Variants in UXS1 observed in about 807,000 individuals in gnomAD.
UXS1 encodes UDP-glucuronic acid decarboxylase 1.
A neutral mutation model predicts 62.6 loss-of-function variants in UXS1; 33 were observed. The observed-to-expected ratio is 0.53, with a 90% confidence interval of 0.40 to 0.70. The LOEUF (loss-of-function observed/expected upper bound fraction) is 0.70, where lower values mean the gene tolerates loss of function less well. UXS1 is among the 30% of genes least tolerant of loss of function. UXS1 has a pLI of 0.00. For missense variants in UXS1, 434 were observed against 556.3 expected, an observed-to-expected ratio of 0.78 and a Z score of 2.21; for synonymous variants, 213 against 206.8, an observed-to-expected ratio of 1.03 and a Z score of -0.26.
chr2:106,143,173 T>C lies in UXS1; in HGVS notation c.472+2017A>G, dbSNP rs569153911. ...ATTAATAGGTATCATTTGGGGGAGG[T>C]CAAGGTGGGCGGATCATGAGGGCAG... On this transcript the variant is annotated intron_variant, in intron 6 of 14. Transcript: ENST00000283148. Among the ~76,000 whole-genome samples, 113 of 150,198 alleles carry C rather than the reference T, an allele frequency of 7.5e-4. 1 individual carries two copies. The highest frequency in any genetic ancestry group is 3.4e-3 in the Middle Eastern group (1 of 290).
intron 10 of UXS1, among the ~76,000 whole-genome samples, chr2:106,110,465 C>T (rs1210436521): frequency 6.6e-6 from 1 of 152,190 alleles, no homozygotes; most frequent in Non-Finnish European, 1.5e-5. Flanking sequence ...TCTCATCTCA[C>T]AGCATGAAGG....
At chr2:106,136,257 A>C (rs1680629541) in intron 6 of UXS1, among the ~76,000 whole-genome samples, 2 of 93,824 alleles carry the variant, frequency 2.1e-5, no homozygotes, top group African/African-American at 8.4e-5. Flanking sequence ...AAAAGTCAGG[A>C]AACAACAGGT....
intron 8 of UXS1, among the ~76,000 whole-genome samples, chr2:106,124,060 T>C (rs1165296094): frequency 1.3e-5 from 2 of 152,228 alleles, no homozygotes; most frequent in South Asian, 4.1e-4. Context: ...GAAAGGTCTA[T>C]GTATCTGCTG....
chr2:106,175,094 G>T (rs932199259), intron 1 of UXS1, among the ~76,000 whole-genome samples: 3 of 152,228 alleles, frequency 2.0e-5, no homozygotes, highest in Non-Finnish European at 2.9e-5. Context: ...CCTGGAATGT[G>T]AAAGATGCCC....
rs180724857 is a variant in UXS1 at position 106,160,830 on chromosome 2, C to T, written c.231-2712G>A. ...GTGCTGAAACCTTTAATTTAAAAAACGAAAAATAGGTTGAGTTTCTTGCTT... is the reference window on the plus strand; with the variant it reads ...GTGCTGAAACCTTTAATTTAAAAAATGAAAAATAGGTTGAGTTTCTTGCTT... On this transcript the variant is annotated intron_variant, in intron 4 of 14. Coordinates refer to ENST00000283148, the MANE Select transcript of UXS1 (RefSeq NM_001253875.2). Among the ~76,000 whole-genome samples, 58 of 152,246 alleles carry T rather than the reference C, an allele frequency of 3.8e-4. No individual in the cohort carries two copies. In the East Asian group the frequency reaches 5.6e-3, roughly 15 times the overall value.
intron 1 of UXS1, among the ~76,000 whole-genome samples, chr2:106,193,177 A>G (rs563818391): frequency 6.6e-6 from 1 of 152,198 alleles, no homozygotes; most frequent in East Asian, 1.9e-4. Flanking sequence ...GTCACTTCAG[A>G]CAAGTGAAGT....
At chr2:106,171,543 A>T (rs2105078309) in intron 1 of UXS1, among the ~76,000 whole-genome samples, 1 of 152,328 alleles carries the variant, frequency 6.6e-6, no homozygotes, top group Non-Finnish European at 1.5e-5. Flanking sequence ...TTCAGAATCC[A>T]TAAAAGCCCG....
chr2:106,148,837 A>G (rs1395293536), intron 5 of UXS1, among the ~76,000 whole-genome samples: 3 of 152,208 alleles, frequency 2.0e-5, no homozygotes, highest in Admixed American at 2.0e-4. Flanking sequence ...TACCCAAAAG[A>G]GAACAGGAGA....
intron 1 of UXS1, 116 bp from the exon 2 acceptor site, chr2:106,166,199 A>C: frequency 1.0e-6 from 1 of 993,602 alleles, no homozygotes; most frequent in South Asian, 1.6e-5. Context: ...AAATTAACTT[A>C]CGAAGACAAC....
intron 14 of UXS1, among the ~76,000 whole-genome samples, chr2:106,096,098 G>A (rs1558667482): frequency 1.3e-5 from 2 of 152,304 alleles, no homozygotes; most frequent in African/African-American, 2.4e-5. Flanking sequence ...ACCTGGCCCC[G>A]CACACTCAAT....
At chr2:106,130,825 A>T (rs1680383930) in intron 6 of UXS1, among the ~76,000 whole-genome samples, 1 of 152,206 alleles carries the variant, frequency 6.6e-6, no homozygotes, top group Non-Finnish European at 1.5e-5. Flanking sequence ...ACCCTGAAGC[A>T]GGCTGGGAGA....
At chr2:106,164,396 T>C (rs1167433148) in intron 3 of UXS1, among the ~76,000 whole-genome samples, 1 of 54,012 alleles carries the variant, frequency 1.9e-5, no homozygotes, top group Admixed American at 1.9e-4. Context: ...TTGGTGGCCA[T>C]TGTTCTTTTC....
chr2:106,109,110 C>T (rs1192147370), intron 10 of UXS1, among the ~76,000 whole-genome samples: 1 of 151,972 alleles, frequency 6.6e-6, no homozygotes, highest in East Asian at 1.9e-4. Context: ...ATCCACTCAC[C>T]TCCTCCCTGC....
chr2:106,185,156 T>C (rs6744825), intron 1 of UXS1, among the ~76,000 whole-genome samples: 149,112 of 152,238 alleles, frequency 0.98, 73,086 homozygotes, highest in South Asian at 1. Context: ...TCAACTCCAC[T>C]GCCCAAATTG....
chr2:106,129,592 G>A (rs1215447304), intron 7 of UXS1, 82 bp downstream of exon 7: 1 of 1,175,660 alleles, frequency 8.5e-7, no homozygotes. Context: ...TCAAACTCTA[G>A]TAGAAGATTC....
At chr2:106,125,544 ACTG>A in intron 8 of UXS1, 73 bp downstream of exon 8, 1 of 1,388,082 alleles carries the variant, frequency 7.2e-7, no homozygotes, top group Non-Finnish European at 9.6e-7. Flanking sequence ...AGAAAAGAAC[ACTG>A]GACTCTTCTG....
intron 5 of UXS1, among the ~76,000 whole-genome samples, chr2:106,153,893 T>C (rs1033869670): frequency 2.0e-5 from 3 of 152,112 alleles, no homozygotes; most frequent in Non-Finnish European, 4.4e-5. Flanking sequence ...GATTACAAAA[T>C]AGAAACAAAT....
intron 7 of UXS1, among the ~76,000 whole-genome samples, chr2:106,127,735 T>C (rs910874533): frequency 1.3e-5 from 2 of 152,218 alleles, no homozygotes; most frequent in Non-Finnish European, 2.9e-5. Context: ...CGGTTCAGAA[T>C]ACAAAGTCCA....
intron 1 of UXS1, 26 bp downstream of exon 1, chr2:106,194,122 C>G: frequency 1.4e-6 from 2 of 1,459,426 alleles, no homozygotes; most frequent in Non-Finnish European, 1.8e-6. Flanking sequence ...ATGGGGCTCC[C>G]CAGCTGGCAG....
Sources: allele counts gnomAD v4.1 joint callset (sites outside exome capture counted in the v4.1 genomes callset), GRCh38; gene constraint gnomAD v4.1.1; transcripts MANE v1.5; gene names NCBI Gene and HGNC (gene_info 2026-07-23, HGNC 2026-07-21).